FAF2: variants seen among roughly 807,000 people sequenced by gnomAD.
FAF2 encodes the protein Fas associated factor family member 2.
A neutral mutation model predicts 62.3 loss-of-function variants in FAF2; 9 were observed. The observed-to-expected ratio is 0.14, with a 90% confidence interval of 0.09 to 0.25. The LOEUF is 0.25. Ranked by LOEUF, FAF2 falls within the 10% of genes least tolerant of loss-of-function variation. The probability of loss-of-function intolerance (pLI) is 1.00; values close to 1 mark genes in which losing one functional copy is unlikely to be tolerated. For synonymous variants in FAF2, 202 were observed against 198.0 expected (o/e 1.02, Z -0.17); for missense variants, 368 against 556.2 (o/e 0.66, Z 3.40).
rs1281509281 is a variant in FAF2 at position 176,489,050 on chromosome 5, A to G, written c.344+23A>G. 3 of 1,577,124 alleles carry G rather than the reference A, an allele frequency of 1.9e-6. No individual in the cohort carries two copies. In the African/African-American group the frequency reaches 4.0e-5, roughly 21 times the overall value. On this transcript the variant is annotated intron_variant, in intron 4 of 10. Coordinates refer to ENST00000261942, the MANE Select transcript of FAF2 (RefSeq NM_014613.3). ...TAGGTATGTACCTTTGGATTTATGT[A>G]TTAGTAGAATAGTAAGACTTTGGAG...
rs1758696778 is a variant in FAF2, at chr5:176,476,647, T to G, written c.64-2541T>G. Reference sequence around the variant, plus strand: ...AGTCCCTTTTTTTTTTTTTTTTTTTTTTTGAGATGGAGTCTCGCTCTGTCA... The same window carrying G: ...AGTCCCTTTTTTTTTTTTTTTTTTTGTTTGAGATGGAGTCTCGCTCTGTCA... On this transcript the variant is annotated intron_variant, in intron 1 of 10. Coordinates refer to ENST00000261942, the MANE Select transcript of FAF2 (RefSeq NM_014613.3). 8.4e-5 allele frequency among the ~76,000 whole-genome samples: 12 copies of G among 142,302 alleles called. No homozygotes were observed. In the South Asian group the frequency reaches 2.9e-3, roughly 35 times the overall value. The allele number at this position is 142,302 out of a possible 152,430, so 93.4% of individuals were successfully genotyped here.
intron 7 of FAF2, among the ~76,000 whole-genome samples, chr5:176,495,089 C>G (rs1316445728): frequency 6.6e-6 from 1 of 152,120 alleles, no homozygotes; most frequent in African/African-American, 2.4e-5. Flanking sequence ...TTGGAAAGTT[C>G]AGATCTTTGC....
chr5:176,481,148 G>A (rs1313594779), intron 2 of FAF2, among the ~76,000 whole-genome samples: 2 of 152,006 alleles, frequency 1.3e-5, no homozygotes, highest in East Asian at 3.9e-4. Flanking sequence ...CCGGGTTCAA[G>A]CAATTCTCCT....
chr5:176,501,422 C>G (rs1406890073), intron 10 of FAF2, among the ~76,000 whole-genome samples: 1 of 152,176 alleles, frequency 6.6e-6, no homozygotes, highest in African/African-American at 2.4e-5. Context: ...TTGCTTCTGC[C>G]TGTTTAACTG....
At position 176,498,916 on chromosome 5, in the gene FAF2, A is replaced by C; in HGVS notation, c.842A>C (p.Glu281Ala). 4.4e-6 allele frequency: 7 copies of C among 1,590,004 alleles called. No individual in the cohort carries two copies. Among genetic ancestry groups the C allele is most frequent in the Non-Finnish European group, 6.0e-6 (7 of 1,168,562 alleles). The change falls in exon 9 of 11, where the codon GAA becomes GCA. Residue 281 changes from glutamate to alanine, a missense_variant and splice_region_variant. Physicochemically the swap from Glu to Ala is moderately radical, Grantham distance 107 (BLOSUM62 -1). Transcript: ENST00000261942. The part of the protein sequence containing the change: ...TYLVSERLER[E>A]ERNQTQVLRQ... Reference sequence around the variant, plus strand: ...TCTTGCTTTTGATCTATTCACAGGGAAGAAAGAAACCAGACCCAAGTGCTG... The same window carrying C: ...TCTTGCTTTTGATCTATTCACAGGGCAGAAAGAAACCAGACCCAAGTGCTG...
At chr5:176,456,556 C>G (rs944449002) in intron 1 of FAF2, among the ~76,000 whole-genome samples, 1 of 91,088 alleles carries the variant, frequency 1.1e-5, no homozygotes, top group Non-Finnish European at 2.1e-5. Context: ...CAGGAACTCT[C>G]CTGAGCTCAA....
Position 176,451,888 on chromosome 5 carries a change from ATATATTTTTTTTTT to A in FAF2, c.63+3420_63+3433del, listed in dbSNP as rs1581465752. Among the ~76,000 whole-genome samples the A allele has an allele frequency of 1.4e-3, 39 of 28,486 alleles. 2 individuals are homozygous for A. Among genetic ancestry groups the A allele is most frequent in the Admixed American group, 3.9e-3 (7 of 1,776 alleles). The allele number at this position is 28,486 out of a possible 152,430, so 18.7% of individuals were successfully genotyped here. On this transcript the variant is annotated intron_variant, in intron 1 of 10. Transcript: ENST00000261942. ...TATATATACACACATATATATATATATATATTTTTTTTTTTTTTTTTTTTTTTTTTTTTGAGACA... is the reference window on the plus strand; with the variant it reads ...TATATATACACACATATATATATATATTTTTTTTTTTTTTTTTTTGAGACA...
chr5:176,467,146 T>C (rs1758483675), intron 1 of FAF2, among the ~76,000 whole-genome samples: 1 of 144,324 alleles, frequency 6.9e-6, no homozygotes. Flanking sequence ...TTTTTTTTTT[T>C]TTTTTTTGGT....
intron 1 of FAF2, among the ~76,000 whole-genome samples, chr5:176,466,356 AC>A (rs1758468431): frequency 6.6e-6 from 1 of 152,228 alleles, no homozygotes; most frequent in African/African-American, 2.4e-5. Context: ...TCTGGGAATA[AC>A]TGAAAACAAG....
Position 176,494,364 on chromosome 5 carries a change from T to C in FAF2, c.661+89T>C, listed in dbSNP as rs1759026068. 1 of 1,112,278 alleles carries C rather than the reference T, an allele frequency of 9.0e-7. No homozygotes were observed. Among genetic ancestry groups the C allele is most frequent in the African/African-American group, 1.5e-5 (1 of 65,118 alleles). The allele number at this position is 1,112,278 out of a possible 1,614,324, so 68.9% of individuals were successfully genotyped here. On this transcript the variant is annotated intron_variant, in intron 7 of 10. Transcript: ENST00000261942. The surrounding 1 kb of genome is among the most constrained non-coding windows in gnomAD (Gnocchi z 4.0). ...CATGCCATGCCATTTATTACAAGTG[T>C]GTTTGTTCTGTGGTAGATACGACGC...
intron 1 of FAF2, among the ~76,000 whole-genome samples, chr5:176,477,456 G>A (rs1758723107): frequency 6.6e-6 from 1 of 152,030 alleles, no homozygotes; most frequent in Non-Finnish European, 1.5e-5. Context: ...CCTTTAGTGG[G>A]TTGTAATGTA....
intron 1 of FAF2, among the ~76,000 whole-genome samples, chr5:176,451,902 T>A (rs1239326822): frequency 6.4e-4 from 28 of 43,462 alleles, no homozygotes; most frequent in African/African-American, 2.6e-3. Context: ...ATTTTTTTTT[T>A]TTTTTTTTTT....
intron 10 of FAF2, among the ~76,000 whole-genome samples, chr5:176,500,420 A>G (rs1755573876): frequency 6.6e-6 from 1 of 152,210 alleles, no homozygotes; most frequent in African/African-American, 2.4e-5. Context: ...GGTACCTTAC[A>G]TAAGTCCCTC....
At chr5:176,477,423 G>GT (rs1273884203) in intron 1 of FAF2, among the ~76,000 whole-genome samples, 5 of 152,018 alleles carry the variant, frequency 3.3e-5, no homozygotes, top group African/African-American at 1.2e-4. Context: ...ACAGCGAGAA[G>GT]GAGGAACCCT....
intron 2 of FAF2, among the ~76,000 whole-genome samples, chr5:176,485,173 CTA>C (rs1010784171): frequency 1.3e-5 from 2 of 152,182 alleles, no homozygotes; most frequent in Non-Finnish European, 2.9e-5. Flanking sequence ...CAGGAATCTA[CTA>C]GAGGTCTTGG....
chr5:176,452,261 T>A (rs2913738), intron 1 of FAF2, among the ~76,000 whole-genome samples: 104,382 of 151,690 alleles, frequency 0.69, 36,093 homozygotes, highest in Non-Finnish European at 0.7. Context: ...TTTCCCCGTG[T>A]TGGCCAGGCT....
chr5:176,497,302 A>G (rs898636017), intron 8 of FAF2, among the ~76,000 whole-genome samples: 2 of 152,224 alleles, frequency 1.3e-5, no homozygotes, highest in Non-Finnish European at 2.9e-5. Flanking sequence ...AGTTATGTAC[A>G]TTAATTATAG....
At chr5:176,448,624 G>C (rs1348878580) in intron 1 of FAF2, among the ~76,000 whole-genome samples, 154 bp downstream of exon 1, 9 of 120,454 alleles carry the variant, frequency 7.5e-5, no homozygotes, top group African/African-American at 1.3e-4. Flanking sequence ...TGATTCCCCC[G>C]GCCCCCAAGC....
intron 1 of FAF2, among the ~76,000 whole-genome samples, chr5:176,463,945 G>A (rs1310358863): frequency 1.3e-5 from 2 of 152,026 alleles, no homozygotes; most frequent in Admixed American, 6.6e-5. Context: ...GGCCAGGCTG[G>A]TCTCGAACTC....
Sources: gnomAD v4.1 joint callset for allele counts (sites outside exome capture counted in the v4.1 genomes callset) on GRCh38, gnomAD v4.1.1 for gene constraint, Gnocchi (gnomAD v3.1) non-coding constraint, MANE v1.5 for transcripts, NCBI Gene and HGNC (gene_info 2026-07-23, HGNC 2026-07-21) for gene names.